PCDH7: variants seen among roughly 807,000 people sequenced by gnomAD.
PCDH7 encodes the protein protocadherin-7.
Under a neutral mutation model 58.9 loss-of-function variants are expected in PCDH7, and 17 were observed. That is an observed-to-expected ratio of 0.29 (90% confidence interval 0.20 to 0.43). The LOEUF is 0.43. Ranked by LOEUF, PCDH7 falls within the 20% of genes least tolerant of loss-of-function variation. The pLI is 1.00. For missense variants in PCDH7, 1,274 were observed against 1,441.0 expected (o/e 0.88, Z 1.88); for synonymous variants, 664 against 616.4 (o/e 1.08, Z -1.14).
At chr4:30,812,004 A>G (rs888431487) in intron 1 of PCDH7, among the ~76,000 whole-genome samples, 1 of 152,232 alleles carries the variant, frequency 6.6e-6, no homozygotes, top group African/African-American at 2.4e-5. Context: ...CCTCAAATGA[A>G]AAGATTTATC....
At chr4:31,109,419 A>G (rs1716007259) in intron 3 of PCDH7, among the ~76,000 whole-genome samples, 1 of 152,226 alleles carries the variant, frequency 6.6e-6, no homozygotes, top group Non-Finnish European at 1.5e-5. Context: ...CAGTGCAAAA[A>G]AATCAAGCCA....
intron 1 of PCDH7, among the ~76,000 whole-genome samples, chr4:30,767,039 T>C (rs996368782): frequency 2.6e-5 from 4 of 152,168 alleles, no homozygotes; most frequent in African/African-American, 9.6e-5. Context: ...CTATATCTGA[T>C]ACTTTTTTTT....
At chr4:31,064,837 A>T (rs1757957192) in intron 3 of PCDH7, among the ~76,000 whole-genome samples, 1 of 151,898 alleles carries the variant, frequency 6.6e-6, no homozygotes, top group South Asian at 2.1e-4. Flanking sequence ...CTTTTTGGGG[A>T]CACAAGTCAA....
At chr4:30,899,707 A>G (rs1310271772) in intron 1 of PCDH7, among the ~76,000 whole-genome samples, 1 of 151,876 alleles carries the variant, frequency 6.6e-6, no homozygotes, top group Non-Finnish European at 1.5e-5. Context: ...CCACTTGACT[A>G]TGACACTAAT....
At chr4:31,142,098 T>G (rs1720326936) in intron 3 of PCDH7, among the ~76,000 whole-genome samples, 1 of 152,206 alleles carries the variant, frequency 6.6e-6, no homozygotes, top group South Asian at 2.1e-4. Flanking sequence ...TCTATTTGGA[T>G]TTAATAATTT....
intron 3 of PCDH7, among the ~76,000 whole-genome samples, chr4:31,074,273 G>A (rs12506199): frequency 0.25 from 37,082 of 150,118 alleles, 4,841 homozygotes; most frequent in South Asian, 0.33. Context: ...TTGCAAAATA[G>A]GAGAACAATT....
At chr4:30,740,144 A>G (rs1716872117) in intron 1 of PCDH7, among the ~76,000 whole-genome samples, 1 of 152,216 alleles carries the variant, frequency 6.6e-6, no homozygotes, top group South Asian at 2.1e-4. Flanking sequence ...AGGTAAGGAC[A>G]GTTGGGCTGC....
chr4:30,869,515 T>C (rs560749480), intron 1 of PCDH7, among the ~76,000 whole-genome samples: 13 of 152,160 alleles, frequency 8.5e-5, no homozygotes, highest in Non-Finnish European at 8.8e-5. Context: ...CTCCTACTTA[T>C]GAATGAGAAC....
intron 3 of PCDH7, among the ~76,000 whole-genome samples, chr4:31,051,825 G>A (rs1203325943): frequency 7.1e-6 from 1 of 141,724 alleles, no homozygotes; most frequent in African/African-American, 2.9e-5. Flanking sequence ...AGCATTGTTG[G>A]GTGTGTGTGG....
At chr4:30,881,237 A>G (rs1736927911) in intron 1 of PCDH7, among the ~76,000 whole-genome samples, 2 of 151,958 alleles carry the variant, frequency 1.3e-5, no homozygotes, top group Non-Finnish European at 2.9e-5. Flanking sequence ...GGACAGGAGT[A>G]TTTTACTTAA....
chr4:30,779,515 A>G (rs1722513590), intron 1 of PCDH7, among the ~76,000 whole-genome samples: 1 of 152,188 alleles, frequency 6.6e-6, no homozygotes, highest in Non-Finnish European at 1.5e-5. Flanking sequence ...AAGCTGGTAA[A>G]CCACAAATCA....
chr4:30,829,501 T>C (rs1290581313), intron 1 of PCDH7, among the ~76,000 whole-genome samples: 1 of 152,034 alleles, frequency 6.6e-6, no homozygotes, highest in Non-Finnish European at 1.5e-5. Context: ...GAATCAGATT[T>C]TGCTCTTTAG....
chr4:30,876,189 C>T (rs1736262598), intron 1 of PCDH7, among the ~76,000 whole-genome samples: 1 of 151,972 alleles, frequency 6.6e-6, no homozygotes, highest in South Asian at 2.1e-4. Flanking sequence ...TAAGATCAAC[C>T]TATAGTGTTA....
chr4:30,815,847 T>A (rs963010729), intron 1 of PCDH7, among the ~76,000 whole-genome samples: 3 of 152,176 alleles, frequency 2.0e-5, no homozygotes, highest in African/African-American at 7.2e-5. Context: ...AGAGACAGTT[T>A]AACAACTGCC....
intron 1 of PCDH7, among the ~76,000 whole-genome samples, chr4:30,790,542 C>T (rs900955726): frequency 6.6e-6 from 1 of 152,116 alleles, no homozygotes; most frequent in Non-Finnish European, 1.5e-5. Context: ...ACTTGCATTA[C>T]TTAAGATGGG....
chr4:30,968,312 ATATACAC>A (rs1342185706), intron 3 of PCDH7, among the ~76,000 whole-genome samples: 18,455 of 91,906 alleles, frequency 0.2, 2,722 homozygotes, highest in African/African-American at 0.28. Context: ...CTATATATAT[ATATACAC>A]TATATATATA....
At chr4:30,868,632 A>AG (rs1735171072) in intron 1 of PCDH7, among the ~76,000 whole-genome samples, 1 of 152,070 alleles carries the variant, frequency 6.6e-6, no homozygotes. Flanking sequence ...GGAAAAAAAA[A>AG]TCTATGTTTA....
At chr4:31,103,714 TC>T (rs1250096164) in intron 3 of PCDH7, among the ~76,000 whole-genome samples, 15 of 152,168 alleles carry the variant, frequency 9.9e-5, no homozygotes, top group Non-Finnish European at 2.1e-4. Flanking sequence ...TACTAGAGTA[TC>T]CTTTTATCTA....
At chr4:30,819,417 T>G (rs967967908) in intron 1 of PCDH7, among the ~76,000 whole-genome samples, 8 of 152,174 alleles carry the variant, frequency 5.3e-5, no homozygotes, top group Non-Finnish European at 1.0e-4. Context: ...TTTTTCATTC[T>G]CTTGGGATCT....
Sources: gnomAD v4.1 joint callset for allele counts (sites outside exome capture counted in the v4.1 genomes callset) on GRCh38, gnomAD v4.1.1 for gene constraint, MANE v1.5 for transcripts, NCBI Gene and HGNC (gene_info 2026-07-23, HGNC 2026-07-21) for gene names.